The following ST3GAL1 variants were observed in gnomAD, a reference collection of about 807,000 sequenced individuals.
ST3GAL1 encodes the protein CMP-N-acetylneuraminate-beta-galactosamide-alpha-2,3-sialyltransferase 1.
Under a neutral mutation model 34.1 loss-of-function variants are expected in ST3GAL1, and 16 were observed. That is an observed-to-expected ratio of 0.47 (90% CI 0.32 to 0.71). The LOEUF (loss-of-function observed/expected upper bound fraction) is 0.71, where lower values mean the gene tolerates loss of function less well. ST3GAL1 is among the 30% of genes least tolerant of loss of function. The pLI is 0.04. For missense variants in ST3GAL1, 353 were observed against 447.4 expected (o/e 0.79, Z 1.90); for synonymous variants, 191 against 184.7 (o/e 1.03, Z -0.28).
chr8:133,526,136 G>A (rs1480279603), intron 2 of ST3GAL1, among the ~76,000 whole-genome samples: 1 of 152,178 alleles, frequency 6.6e-6, no homozygotes, highest in East Asian at 1.9e-4. Context: ...AGCTCACAAA[G>A]GTAGCCATGA....
rs1185024121 is a variant in ST3GAL1, at chr8:133,461,763, CT to C, written c.849+111del. 6.1e-6 allele frequency: 9 copies of C among 1,481,318 alleles called. No individual in the cohort carries two copies. The highest frequency in any genetic ancestry group is 9.2e-7 in the Non-Finnish European group (1 of 1,088,520). 91.8% of individuals were successfully genotyped at this position (1,481,318 alleles called of 1,614,324 possible). A position where few individuals can be genotyped will look rare whatever the true frequency, so the allele number is the denominator to read the frequency against. ...CTGTCGTAGAGACAGGGAATCCGAG[CT>C]TCCGGAAGAGGCAGGCTAGGTCTAC... On this transcript the variant is annotated intron_variant, in intron 9 of 9. Coordinates refer to ENST00000522652, the MANE Select transcript of ST3GAL1 (RefSeq NM_173344.3). The surrounding 1 kb of genome is among the most constrained non-coding windows in gnomAD (Gnocchi z 4.7).
chr8:133,458,865 G>A lies in ST3GAL1; in HGVS notation c.*899C>T, dbSNP rs114917950. 1,560 of 150,154 alleles carry A rather than the reference G, an allele frequency of 0.01. 36 individuals carry two copies. The highest frequency in any genetic ancestry group is 0.036 in the African/African-American group (1,449 of 40,428). The allele number at this position is 150,154 out of a possible 1,614,324, so 9.3% of individuals were successfully genotyped here. On this transcript the variant is annotated 3_prime_UTR_variant, in exon 10 of 10. Transcript: ENST00000522652. ...GCAGGAGTCAGAAACACGGTGCCAA[G>A]TTTGGGGTTTTTTTTCTTTTCTTTT...
chr8:133,490,367 C>T (rs145871602), intron 3 of ST3GAL1, among the ~76,000 whole-genome samples: 29 of 152,342 alleles, frequency 1.9e-4, no homozygotes, highest in African/African-American at 6.3e-4. Context: ...CAGCTGGCGG[C>T]ATGCGTATCT....
intron 2 of ST3GAL1, among the ~76,000 whole-genome samples, chr8:133,505,087 T>C (rs913366266): frequency 5.3e-5 from 8 of 152,132 alleles, no homozygotes; most frequent in African/African-American, 1.9e-4. Flanking sequence ...TGCAGACAAT[T>C]TGGAGTTGCA....
chr8:133,470,729 T>C (rs1189995533), intron 5 of ST3GAL1, among the ~76,000 whole-genome samples: 2 of 151,216 alleles, frequency 1.3e-5, no homozygotes, highest in Non-Finnish European at 3.0e-5. Flanking sequence ...CTCCATGGAG[T>C]CAAGCACTGC....
chr8:133,496,556 C>A (rs146560946), intron 3 of ST3GAL1, among the ~76,000 whole-genome samples: 1 of 152,170 alleles, frequency 6.6e-6, no homozygotes, highest in African/African-American at 2.4e-5. Flanking sequence ...ATGACCACAC[C>A]TTTCTGTTCC....
At chr8:133,530,915 G>A (rs991249493) in intron 2 of ST3GAL1, among the ~76,000 whole-genome samples, 1 of 152,170 alleles carries the variant, frequency 6.6e-6, no homozygotes, top group African/African-American at 2.4e-5. Flanking sequence ...AGAAGATGAG[G>A]AGTGTGGTCA....
At chr8:133,507,443 G>C (rs1019490085) in intron 2 of ST3GAL1, among the ~76,000 whole-genome samples, 1 of 152,238 alleles carries the variant, frequency 6.6e-6, no homozygotes, top group Admixed American at 6.5e-5. Flanking sequence ...TTCGAGTCCT[G>C]GCACTGCCAT....
At chr8:133,531,978 C>T (rs1818172030) in intron 2 of ST3GAL1, among the ~76,000 whole-genome samples, 1 of 152,186 alleles carries the variant, frequency 6.6e-6, no homozygotes, top group African/African-American at 2.4e-5. Flanking sequence ...CTTTCACACT[C>T]ATTCTGTCCT....
rs549756628 is a variant in ST3GAL1, at chr8:133,508,685, G to A, written c.-428-9496C>T. ...CCGAGTCCAGACTCTTGGCTTTTGT[G>A]AGGAACCAGAGCCATTGGTCATTTA... On this transcript the variant is annotated intron_variant, in intron 2 of 9. Transcript: ENST00000522652. This position sits in a 1 kb window ranked among gnomAD's most constrained non-coding sequence, Gnocchi z 4.1. Among the ~76,000 whole-genome samples, 47 of 152,168 alleles carry A rather than the reference G, an allele frequency of 3.1e-4. No individual in the cohort carries two copies. The highest frequency in any genetic ancestry group is 1.1e-3 in the African/African-American group (47 of 41,526).
chr8:133,555,956 C>A (rs755791677), intron 1 of ST3GAL1, among the ~76,000 whole-genome samples: 3 of 152,052 alleles, frequency 2.0e-5, no homozygotes, highest in East Asian at 3.9e-4. Context: ...TGGAGTGGCA[C>A]GGTCTCGGCT....
chr8:133,540,150 G>A (rs1341241299), intron 2 of ST3GAL1, among the ~76,000 whole-genome samples: 1 of 152,034 alleles, frequency 6.6e-6, no homozygotes, highest in Non-Finnish European at 1.5e-5. Flanking sequence ...ACATTAATCC[G>A]CTAATCCTTC....
intron 1 of ST3GAL1, among the ~76,000 whole-genome samples, chr8:133,561,995 G>A (rs900287638): frequency 1.3e-5 from 2 of 152,046 alleles, no homozygotes; most frequent in African/African-American, 2.4e-5. Context: ...AGGAGGCTGA[G>A]GTGGGAGCTC....
At chr8:133,501,682 G>A (rs1817160504) in intron 2 of ST3GAL1, among the ~76,000 whole-genome samples, 2 of 152,146 alleles carry the variant, frequency 1.3e-5, no homozygotes, top group African/African-American at 4.8e-5. Context: ...CCAGGAGGTG[G>A]AGGTTGCAGT....
intron 3 of ST3GAL1, among the ~76,000 whole-genome samples, chr8:133,487,407 G>A (rs1421608960): frequency 6.6e-6 from 1 of 152,064 alleles, no homozygotes; most frequent in Non-Finnish European, 1.5e-5. Context: ...ATTCCTCTGA[G>A]AAATTCAGAA....
At chr8:133,519,005 C>A (rs1047002695) in intron 2 of ST3GAL1, among the ~76,000 whole-genome samples, 3 of 152,050 alleles carry the variant, frequency 2.0e-5, no homozygotes, top group Non-Finnish European at 2.9e-5. Flanking sequence ...GAGATTAGAG[C>A]CCCTCGGAGG....
At chr8:133,462,091 C>G (rs1815534587) in intron 8 of ST3GAL1, 97 bp from the exon 9 acceptor site, 4 of 1,559,918 alleles carry the variant, frequency 2.6e-6, no homozygotes, top group African/African-American at 2.7e-5. Context: ...CATGGAGGCA[C>G]AGCCATGAGC....
chr8:133,519,829 A>C (rs1817750825), intron 2 of ST3GAL1, among the ~76,000 whole-genome samples: 1 of 152,144 alleles, frequency 6.6e-6, no homozygotes. Flanking sequence ...ACTTGTCTGT[A>C]ATCCTAGCTA....
chr8:133,561,108 C>CTT lies in ST3GAL1; in HGVS notation c.-582+10583_-582+10584dup, dbSNP rs765993286. ...TTACTCAAGGTTTGCCCAGAGCCAT[C>CTT]TTTTTTTTTTTTTTTTTTTTTGCTT... On this transcript the variant is annotated intron_variant, in intron 1 of 9. Transcript: ENST00000522652. 6.0e-3 allele frequency among the ~76,000 whole-genome samples: 641 copies of CTT among 106,166 alleles called. 14 individuals carry two copies. The highest frequency in any genetic ancestry group is 0.022 in the African/African-American group (593 of 27,276). 69.6% of individuals were successfully genotyped at this position (106,166 alleles called of 152,430 possible). A position where few individuals can be genotyped will look rare whatever the true frequency, so the allele number is the denominator to read the frequency against.
Sources: allele counts gnomAD v4.1 joint callset (sites outside exome capture counted in the v4.1 genomes callset), GRCh38; gene constraint gnomAD v4.1.1; non-coding constraint Gnocchi (gnomAD v3.1); transcripts MANE v1.5; gene names NCBI Gene and HGNC (gene_info 2026-07-23, HGNC 2026-07-21).